The following LRP2 variants were observed in gnomAD, a reference collection of about 807,000 sequenced individuals.
The protein encoded by LRP2 is low-density lipoprotein receptor-related protein 2.
Under a neutral mutation model 531.0 loss-of-function variants are expected in LRP2, and 172 were observed. The observed-to-expected ratio is 0.32, with a 90% CI of 0.29 to 0.37. LRP2 has a LOEUF of 0.37. Ranked by LOEUF, LRP2 falls within the 10% of genes least tolerant of loss-of-function variation. The pLI, the probability that LRP2 is intolerant of heterozygous loss-of-function variation, is 1.00. For missense variants in LRP2, 5,167 were observed against 5,868.3 expected (o/e 0.88, Z 3.90); for synonymous variants, 1,992 against 2,027.6 (o/e 0.98, Z 0.47).
At position 169,268,301 on chromosome 2, in the gene LRP2, C is replaced by CA. The variant is rs567896099; in HGVS notation, c.2320+2602dup. Among the ~76,000 whole-genome samples the CA allele has an allele frequency of 1.6e-3, 236 of 151,956 alleles. 2 individuals are homozygous for CA. Among genetic ancestry groups the CA allele is most frequent in the African/African-American group, 5.6e-3 (232 of 41,462 alleles). ...ATACCAAAGCCTGGCAGAGACACAA[C>CA]AAAAAAAGAGAATTTTAGACCAATA... On this transcript the variant is annotated intron_variant, in intron 16 of 78. Coordinates refer to ENST00000649046, the MANE Select transcript of LRP2 (RefSeq NM_004525.3).
Position 169,165,965 on chromosome 2 carries a change from A to C in LRP2, c.11725T>G (p.Cys3909Gly). 6.2e-7 allele frequency: 1 copy of C among 1,614,066 alleles called. No homozygotes were observed. The highest frequency in any genetic ancestry group is 8.5e-7 in the Non-Finnish European group (1 of 1,179,950). Reference sequence around the variant, plus strand: ...TCTGTCTCATCAGTTCCATCTCCACAGTCATCCACACCATTGCACACCTCA... The same window carrying C: ...TCTGTCTCATCAGTTCCATCTCCACCGTCATCCACACCATTGCACACCTCA... ...SHEVCNGVDD[C>G]GDGTDETEEH... The change falls in exon 62 of 79, where the codon TGT becomes GGT. Residue 3909 changes from cysteine (C) to glycine (G), a missense_variant. Physicochemically the swap from Cys to Gly is radical, Grantham distance 159. Around this residue, in one of 6 missense-constraint regions of LRP2, gnomAD observed 564 missense variants for 747.7 expected, o/e 0.75. Coordinates refer to ENST00000649046, the MANE Select transcript of LRP2 (RefSeq NM_004525.3).
chr2:169,182,576 G>C, intron 50 of LRP2: 1 of 1,342,586 alleles, frequency 7.4e-7, no homozygotes. Flanking sequence ...CACTTCATTC[G>C]ACGGGTCTGG....
chr2:169,320,423 G>C (rs551915208), intron 2 of LRP2, among the ~76,000 whole-genome samples: 2 of 152,132 alleles, frequency 1.3e-5, no homozygotes, highest in South Asian at 4.2e-4. Context: ...ATTATTTTTT[G>C]TTTGTTCTTG....
intron 1 of LRP2, among the ~76,000 whole-genome samples, chr2:169,357,063 A>C (rs1159397055): frequency 6.6e-6 from 1 of 152,128 alleles, no homozygotes; most frequent in Non-Finnish European, 1.5e-5. Flanking sequence ...AAAAATTTTT[A>C]ATTACTCAAG....
chr2:169,310,036 G>T (rs998569862), intron 3 of LRP2, among the ~76,000 whole-genome samples: 9 of 152,210 alleles, frequency 5.9e-5, no homozygotes, highest in African/African-American at 1.2e-4. Context: ...TCTGTTATTG[G>T]TATATAGGAA....
At chr2:169,194,960 T>G (rs1006633902) in intron 46 of LRP2, among the ~76,000 whole-genome samples, 2 of 151,270 alleles carry the variant, frequency 1.3e-5, no homozygotes, top group Non-Finnish European at 2.9e-5. Flanking sequence ...CCGCCTGCCT[T>G]GGCCTCCCAA....
intron 1 of LRP2, among the ~76,000 whole-genome samples, chr2:169,330,081 T>C (rs1685225375): frequency 6.6e-6 from 1 of 151,920 alleles, no homozygotes; most frequent in South Asian, 2.1e-4. Flanking sequence ...CCCGAAACCA[T>C]CCCTCCCCCA....
At chr2:169,323,446 A>G (rs932618352) in intron 1 of LRP2, among the ~76,000 whole-genome samples, 4 of 152,206 alleles carry the variant, frequency 2.6e-5, no homozygotes, top group Non-Finnish European at 5.9e-5. Context: ...AAATAAACCA[A>G]AAATAAACCA....
intron 7 of LRP2, 55 bp downstream of exon 7, chr2:169,292,198 G>T (rs757395210): frequency 3.9e-6 from 5 of 1,291,284 alleles, no homozygotes; most frequent in Non-Finnish European, 3.4e-6. Flanking sequence ...AAAAACAAGC[G>T]CTGGAAAACA....
chr2:169,294,843 A>C (rs1323729875), intron 4 of LRP2, 133 bp from the exon 5 acceptor site: 3 of 660,376 alleles, frequency 4.5e-6, no homozygotes, highest in Non-Finnish European at 8.0e-6. Flanking sequence ...ACACAAAAGA[A>C]GTATGCTCCC....
chr2:169,341,235 G>C (rs762426532), intron 1 of LRP2, among the ~76,000 whole-genome samples: 11 of 152,116 alleles, frequency 7.2e-5, no homozygotes, highest in Non-Finnish European at 1.5e-4. Flanking sequence ...CCAAGAAAAA[G>C]TCACATTCTT....
chr2:169,262,814 C>T (rs1247127870), intron 16 of LRP2, among the ~76,000 whole-genome samples: 1 of 151,984 alleles, frequency 6.6e-6, no homozygotes, highest in African/African-American at 2.4e-5. Context: ...AAGAACAAAG[C>T]TGGAGGCATC....
At chr2:169,209,845 C>T (rs1219012114) in intron 37 of LRP2, among the ~76,000 whole-genome samples, 3 of 152,020 alleles carry the variant, frequency 2.0e-5, no homozygotes, top group East Asian at 1.9e-4. Flanking sequence ...CTCTGGCTCC[C>T]GGGAGAAATG....
intron 40 of LRP2, 27 bp downstream of exon 40, chr2:169,205,996 A>C: frequency 6.2e-7 from 1 of 1,614,172 alleles, no homozygotes. Context: ...AGCAGACAGA[A>C]ATATAACAAG....
intron 58 of LRP2, 92 bp from the exon 59 acceptor site, chr2:169,170,759 G>A: frequency 2.3e-6 from 2 of 879,396 alleles, no homozygotes; most frequent in South Asian, 1.3e-5. Flanking sequence ...TGGGTGCCCA[G>A]CACCCTCCTG....
At chr2:169,322,563 C>G (rs1483926464) in intron 1 of LRP2, among the ~76,000 whole-genome samples, 2 of 152,204 alleles carry the variant, frequency 1.3e-5, no homozygotes, top group African/African-American at 4.8e-5. Flanking sequence ...CAAATTCACT[C>G]TGGAATCCCA....
intron 58 of LRP2, 49 bp from the exon 59 acceptor site, chr2:169,170,716 C>A (rs1558992851): frequency 7.8e-7 from 1 of 1,285,328 alleles, no homozygotes; most frequent in East Asian, 2.3e-5. Flanking sequence ...GAATCACATA[C>A]AGGAGACATC....
chr2:169,209,732 C>A (rs1490037660), intron 37 of LRP2, 91 bp from the exon 38 acceptor site: 3 of 1,223,274 alleles, frequency 2.5e-6, no homozygotes, highest in South Asian at 1.3e-5. Context: ...TCATTCCCAA[C>A]CCCCTGCTCT....
chr2:169,221,206 C>A (rs1171213581), intron 33 of LRP2, among the ~76,000 whole-genome samples: 1 of 152,194 alleles, frequency 6.6e-6, no homozygotes, highest in African/African-American at 2.4e-5. Context: ...GGTAAAGCAG[C>A]ACACCACCCA....
Sources: gnomAD v4.1 joint callset for allele counts (sites outside exome capture counted in the v4.1 genomes callset) on GRCh38, gnomAD v4.1.1 for gene constraint, gnomAD v4.1.1 regional missense constraint, MANE v1.5 for transcripts, NCBI Gene and HGNC (gene_info 2026-07-23, HGNC 2026-07-21) for gene names.